The following TMEM150C variants were observed in gnomAD, a reference collection of about 807,000 sequenced individuals.
TMEM150C encodes the protein tentonin 3.
TMEM150C carries 10 observed loss-of-function variants against 29.9 expected under a neutral mutation model. The observed-to-expected ratio is 0.33, with a 90% CI of 0.21 to 0.57. The LOEUF (loss-of-function observed/expected upper bound fraction) is 0.57, where lower values mean the gene tolerates loss of function less well. Among genes scored for constraint, TMEM150C ranks in the 20% least tolerant of loss-of-function variants. The probability of loss-of-function intolerance (pLI) is 0.88; values close to 1 mark genes in which losing one functional copy is unlikely to be tolerated. For synonymous variants in TMEM150C, 101 were observed against 112.5 expected (o/e 0.90, Z 0.64); for missense variants, 251 against 303.6 (o/e 0.83, Z 1.29).
intron 1 of TMEM150C, among the ~76,000 whole-genome samples, chr4:82,544,827 A>C (rs1007354625): frequency 4.6e-5 from 7 of 151,910 alleles, no homozygotes; most frequent in African/African-American, 1.7e-4. Context: ...AGATTGAATC[A>C]GAAAATGAAA....
chr4:82,533,641 C>T (rs533148202), intron 1 of TMEM150C, among the ~76,000 whole-genome samples: 54 of 152,294 alleles, frequency 3.5e-4, no homozygotes, highest in African/African-American at 1.2e-3. Flanking sequence ...TCTCTTTTAA[C>T]TCCATCTTTT....
At chr4:82,501,963 G>A (rs1344563265) in intron 5 of TMEM150C, among the ~76,000 whole-genome samples, 1 of 152,140 alleles carries the variant, frequency 6.6e-6, no homozygotes, top group Non-Finnish European at 1.5e-5. Context: ...GGCTGTCTTT[G>A]GTCCATCCTA....
chr4:82,494,783 A>ATTTTT (rs70964776), intron 6 of TMEM150C: 16 of 188,088 alleles, frequency 8.5e-5, no homozygotes, highest in Non-Finnish European at 1.1e-4. Context: ...AATGTTCCTA[A>ATTTTT]TTTTTTTTTT....
chr4:82,491,094 AT>A lies in TMEM150C; in HGVS notation c.364-857del, dbSNP rs879843767. The A allele has an allele frequency of 6.5e-4, 460 of 706,032 alleles. 2 individuals are homozygous for A. In the Admixed American group the frequency reaches 8.8e-3, roughly 14 times the overall value. The allele number at this position is 706,032 out of a possible 1,614,324, so 43.7% of individuals were successfully genotyped here. On this transcript the variant is annotated intron_variant, in intron 6 of 7. Transcript: ENST00000449862. ...CTTGATAATGCAGCAAGAGACCCCCATTTTACGACACAGGGCAGGCAGGAAG... is the reference window on the plus strand; with the variant it reads ...CTTGATAATGCAGCAAGAGACCCCCATTTACGACACAGGGCAGGCAGGAAG...
intron 6 of TMEM150C, chr4:82,495,491 G>T: frequency 2.7e-6 from 1 of 369,844 alleles, no homozygotes. Flanking sequence ...CCCAGGTGAC[G>T]AGGCACCCTA....
chr4:82,490,418 G>C (rs1723299181), intron 6 of TMEM150C, among the ~76,000 whole-genome samples, 180 bp from the exon 7 acceptor site: 1 of 152,198 alleles, frequency 6.6e-6, no homozygotes, highest in African/African-American at 2.4e-5. Context: ...CTGAGGGGAT[G>C]AAGGAAATAA....
rs1725753071 is a variant in TMEM150C, at chr4:82,556,860, AG to A, written c.-11+5045del. 2.6e-5 allele frequency among the ~76,000 whole-genome samples: 4 copies of A among 152,182 alleles called. No individual in the cohort carries two copies. In the East Asian group the frequency reaches 7.7e-4, roughly 29 times the overall value. On this transcript the variant is annotated intron_variant, in intron 1 of 7. Coordinates refer to ENST00000449862, the MANE Select transcript of TMEM150C (RefSeq NM_001080506.3). Reference sequence around the variant, plus strand: ...GGACACTAATTTGGGAAATGTTATCAGGGGGTGTTAATATCTTCAACACAGA... The same window carrying A: ...GGACACTAATTTGGGAAATGTTATCAGGGGTGTTAATATCTTCAACACAGA...
At chr4:82,516,121 C>G (rs903998394) in intron 1 of TMEM150C, among the ~76,000 whole-genome samples, 1 of 152,158 alleles carries the variant, frequency 6.6e-6, no homozygotes, top group Non-Finnish European at 1.5e-5. Context: ...CCCCAGAGGA[C>G]AGACAGGCCC....
intron 1 of TMEM150C, among the ~76,000 whole-genome samples, chr4:82,520,533 C>A (rs1040230586): frequency 6.6e-6 from 1 of 152,220 alleles, no homozygotes; most frequent in Non-Finnish European, 1.5e-5. Flanking sequence ...AACTGAACCA[C>A]TCCTTGCTAC....
At chr4:82,562,089 T>G, upstream of TMEM150C, 1 of 1,203,034 alleles carries the variant, frequency 8.3e-7, no homozygotes, top group Non-Finnish European at 1.1e-6. Context: ...GGGTCCCCGC[T>G]GCTAGGCCTT....
intron 1 of TMEM150C, among the ~76,000 whole-genome samples, chr4:82,535,846 T>A (rs573925290): frequency 6.6e-6 from 1 of 152,324 alleles, no homozygotes; most frequent in South Asian, 2.1e-4. Context: ...TTTAGCTGAA[T>A]AATCCCTTGT....
intron 1 of TMEM150C, among the ~76,000 whole-genome samples, chr4:82,532,339 C>T (rs1043581158): frequency 2.0e-4 from 31 of 151,900 alleles, no homozygotes; most frequent in Admixed American, 2.0e-3. Flanking sequence ...TAGATATTTT[C>T]ATTATAGTAG....
intron 1 of TMEM150C, among the ~76,000 whole-genome samples, chr4:82,528,541 T>C (rs1014383387): frequency 6.6e-6 from 1 of 151,868 alleles, no homozygotes; most frequent in African/African-American, 2.4e-5. Flanking sequence ...TAATTTCCCC[T>C]GCCCACAGCC....
intron 1 of TMEM150C, among the ~76,000 whole-genome samples, chr4:82,561,408 G>T (rs1055699721): frequency 1.3e-5 from 2 of 152,218 alleles, no homozygotes; most frequent in Non-Finnish European, 1.5e-5. Flanking sequence ...CCTGCTTCCC[G>T]AGCCAGCCTG....
Position 82,528,239 on chromosome 4 carries a change from G to A in TMEM150C, c.-10-23572C>T, listed in dbSNP as rs542795270. Among the ~76,000 whole-genome samples the A allele has an allele frequency of 3.9e-5, 6 of 152,356 alleles. No individual in the cohort carries two copies. The East Asian group carries it at 1.2e-3, about 29-fold the overall frequency. On this transcript the variant is annotated intron_variant, in intron 1 of 7. Transcript: ENST00000449862. ...ACTGATGCTGGGCCATGAAGAATGA[G>A]TCATTCACCAGTGCAGGGGCTCTCG...
chr4:82,491,185 C>T (rs978982157), intron 6 of TMEM150C: 2 of 697,054 alleles, frequency 2.9e-6, no homozygotes, highest in Non-Finnish European at 5.3e-6. Context: ...TTGTTTTCCA[C>T]CAAGGTGGTG....
Position 82,504,626 on chromosome 4 carries a change from A to G in TMEM150C, c.32T>C (p.Phe11Ser). The G allele has an allele frequency of 6.2e-7, 1 of 1,613,832 alleles. No homozygotes were observed. Among genetic ancestry groups the G allele is most frequent in the Non-Finnish European group, 8.5e-7 (1 of 1,179,786 alleles). ...AAACAAAGTAAATACAAGAGGTAGGAACATCCATACGCTGCATTTCTTCCC... is the reference window on the plus strand; with the variant it reads ...AAACAAAGTAAATACAAGAGGTAGGGACATCCATACGCTGCATTTCTTCCC... MDGKKCSVWMFLPLVFTLFTS... is the reference protein window; with the variant it reads MDGKKCSVWMSLPLVFTLFTS... Residue 11 changes from phenylalanine to serine, a missense_variant, in exon 2 of 8, where the codon TTC becomes TCC. By Grantham distance (155) the Phe-to-Ser change is radical. Coordinates refer to ENST00000449862, the MANE Select transcript of TMEM150C (RefSeq NM_001080506.3).
intron 6 of TMEM150C, chr4:82,495,832 T>C: frequency 1.9e-6 from 1 of 524,022 alleles, no homozygotes; most frequent in East Asian, 3.4e-5. Context: ...AAGTTTGCGT[T>C]CATCTTCCAC....
intron 1 of TMEM150C, among the ~76,000 whole-genome samples, chr4:82,546,583 C>A (rs1725392723): frequency 6.6e-6 from 1 of 152,096 alleles, no homozygotes; most frequent in Non-Finnish European, 1.5e-5. Context: ...AATCCCAGCA[C>A]TTTGGGAGGC....
Sources: gnomAD v4.1 joint callset for allele counts (sites outside exome capture counted in the v4.1 genomes callset) on GRCh38, gnomAD v4.1.1 for gene constraint, MANE v1.5 for transcripts, NCBI Gene and HGNC (gene_info 2026-07-23, HGNC 2026-07-21) for gene names.